NPAS3: variants seen among roughly 807,000 people sequenced by gnomAD.
The protein encoded by NPAS3 is neuronal PAS domain protein 3.
In NPAS3, 14 loss-of-function variants were observed where a neutral mutation model predicts 73.1. The observed-to-expected ratio is 0.19, with a 90% CI of 0.13 to 0.30. The LOEUF is 0.30. Among genes scored for constraint, NPAS3 ranks in the 10% least tolerant of loss-of-function variants. The probability of loss-of-function intolerance (pLI) is 1.00; values close to 1 mark genes in which losing one functional copy is unlikely to be tolerated. For missense variants in NPAS3, 1,096 were observed against 1,250.0 expected, an observed-to-expected ratio of 0.88 and a Z score of 1.86; for synonymous variants, 620 against 541.5, an observed-to-expected ratio of 1.14 and a Z score of -2.01.
At chr14:33,592,728 A>G (rs2057111906) in intron 5 of NPAS3, among the ~76,000 whole-genome samples, 1 of 152,210 alleles carries the variant, frequency 6.6e-6, no homozygotes, top group South Asian at 2.1e-4. Context: ...AAGCAAAGGA[A>G]TATTGTTTTG....
At chr14:33,372,310 C>T (rs1411106825) in intron 4 of NPAS3, among the ~76,000 whole-genome samples, 2 of 152,050 alleles carry the variant, frequency 1.3e-5, no homozygotes, top group Non-Finnish European at 2.9e-5. Flanking sequence ...TTGGTGTGCC[C>T]GTTCTCTGAA....
chr14:33,291,331 A>G (rs1199351541), intron 3 of NPAS3, among the ~76,000 whole-genome samples: 1 of 152,082 alleles, frequency 6.6e-6, no homozygotes, highest in Non-Finnish European at 1.5e-5. Flanking sequence ...TAAAGGCCTT[A>G]TATCTCAGCC....
At chr14:33,276,421 C>A (rs1005698335) in intron 3 of NPAS3, among the ~76,000 whole-genome samples, 76 of 152,176 alleles carry the variant, frequency 5.0e-4, no homozygotes, top group African/African-American at 1.8e-3. Flanking sequence ...CAAAATCAAC[C>A]ATTTGTTCTA....
intron 4 of NPAS3, among the ~76,000 whole-genome samples, chr14:33,412,791 T>A (rs2047985921): frequency 6.6e-6 from 1 of 152,158 alleles, no homozygotes; most frequent in Non-Finnish European, 1.5e-5. Flanking sequence ...GAGCATTAAA[T>A]CAGATAATGT....
At chr14:33,244,508 T>A (rs115776220) in intron 3 of NPAS3, among the ~76,000 whole-genome samples, 1 of 122,760 alleles carries the variant, frequency 8.1e-6, no homozygotes, top group East Asian at 2.9e-4. Flanking sequence ...GGATGTAATG[T>A]AAGTTAAAAA....
intron 3 of NPAS3, among the ~76,000 whole-genome samples, chr14:33,230,655 G>C (rs1457854158): frequency 1.3e-5 from 2 of 152,162 alleles, no homozygotes; most frequent in Non-Finnish European, 2.9e-5. Flanking sequence ...AGACCATAGA[G>C]TATTTTAAGA....
chr14:33,572,521 A>G (rs1336786238), intron 5 of NPAS3, among the ~76,000 whole-genome samples: 1 of 152,164 alleles, frequency 6.6e-6, no homozygotes, highest in Admixed American at 6.5e-5. Context: ...TGAGGCAAAG[A>G]GGTTAAATAG....
chr14:33,382,255 G>C (rs914403345), intron 4 of NPAS3, among the ~76,000 whole-genome samples: 1 of 151,800 alleles, frequency 6.6e-6, no homozygotes, highest in African/African-American at 2.4e-5. Flanking sequence ...AAAAAATCCA[G>C]GTTTTATTTT....
chr14:33,801,231 C>G, downstream of NPAS3: 1 of 1,469,370 alleles, frequency 6.8e-7, no homozygotes, highest in East Asian at 2.5e-5. Flanking sequence ...CTCGCCACGA[C>G]GGTCCCCATT....
chr14:33,500,889 C>T (rs1029118839), intron 4 of NPAS3, among the ~76,000 whole-genome samples: 1 of 151,940 alleles, frequency 6.6e-6, no homozygotes, highest in African/African-American at 2.4e-5. Flanking sequence ...TCATCACTGG[C>T]CTCTTGGCCC....
intron 5 of NPAS3, among the ~76,000 whole-genome samples, chr14:33,663,383 T>C (rs2059364411): frequency 6.6e-6 from 1 of 152,210 alleles, no homozygotes; most frequent in South Asian, 2.1e-4. Flanking sequence ...GATTTGCGTA[T>C]GTTGAACCAG....
chr14:33,099,033 C>T (rs1387620203), intron 2 of NPAS3, among the ~76,000 whole-genome samples: 1 of 152,138 alleles, frequency 6.6e-6, no homozygotes, highest in Non-Finnish European at 1.5e-5. Context: ...AAGAACCTTG[C>T]GGCCTTTTTC....
intron 4 of NPAS3, among the ~76,000 whole-genome samples, chr14:33,519,555 G>A (rs953934759): frequency 6.6e-6 from 1 of 152,122 alleles, no homozygotes; most frequent in African/African-American, 2.4e-5. Flanking sequence ...CGTATTATTT[G>A]TGTAACGTGG....
intron 5 of NPAS3, among the ~76,000 whole-genome samples, chr14:33,658,218 G>C (rs2059205595): frequency 6.6e-6 from 1 of 152,190 alleles, no homozygotes; most frequent in African/African-American, 2.4e-5. Flanking sequence ...AAGACAACAA[G>C]TTAAAAACTG....
intron 2 of NPAS3, among the ~76,000 whole-genome samples, chr14:33,062,302 A>AAAAAAAAAAG (rs1566518599): frequency 8.9e-6 from 1 of 112,330 alleles, no homozygotes; most frequent in East Asian, 2.6e-4. Flanking sequence ...AAAAAAAAAG[A>AAAAAAAAAAG]AAAAAAAAAA....
intron 5 of NPAS3, among the ~76,000 whole-genome samples, chr14:33,643,141 G>C (rs1394874254): frequency 6.6e-6 from 1 of 152,016 alleles, no homozygotes; most frequent in Non-Finnish European, 1.5e-5. Flanking sequence ...TTTGTAATTT[G>C]AGGTTTTGAT....
At chr14:33,032,022 G>C (rs2040012725) in intron 1 of NPAS3, among the ~76,000 whole-genome samples, 4 of 152,222 alleles carry the variant, frequency 2.6e-5, no homozygotes, top group Admixed American at 2.6e-4. Flanking sequence ...CCCATGTGAA[G>C]ACTCATCTTA....
chr14:33,236,632 A>T (rs971312147), intron 3 of NPAS3, among the ~76,000 whole-genome samples: 12 of 152,244 alleles, frequency 7.9e-5, no homozygotes, highest in African/African-American at 2.9e-4. Flanking sequence ...CTCAAGGCAG[A>T]GATGCCCTGA....
intron 3 of NPAS3, among the ~76,000 whole-genome samples, chr14:33,270,302 A>T: frequency 6.6e-6 from 1 of 152,034 alleles, no homozygotes; most frequent in Non-Finnish European, 1.5e-5. Context: ...TGAGTGATTG[A>T]CCCTATAAAA....
Sources: allele counts gnomAD v4.1 joint callset (sites outside exome capture counted in the v4.1 genomes callset), GRCh38; gene constraint gnomAD v4.1.1; transcripts MANE v1.5; gene names NCBI Gene and HGNC (gene_info 2026-07-23, HGNC 2026-07-21).